Variants in PTCH2 observed in about 807,000 individuals in gnomAD.
The protein encoded by PTCH2 is patched 2.
PTCH2 carries 96 observed loss-of-function variants against 117.9 expected under a neutral mutation model. The ratio of observed to expected loss-of-function variants is 0.81; its 90% CI spans 0.69 to 0.96. PTCH2 has a LOEUF of 0.96. PTCH2 is among the 50% of genes least tolerant of loss of function. The pLI is 0.00. For missense variants in PTCH2, 1,379 were observed against 1,562.5 expected (o/e 0.88, Z 1.98); for synonymous variants, 615 against 660.9 (o/e 0.93, Z 1.06).
In PTCH2 at chr1:44,842,989, T is replaced by C. The variant is rs966636603; in HGVS notation, c.-57A>G. On this transcript the variant is annotated 5_prime_UTR_variant, in exon 1 of 22. The change abolishes an upstream ATG in the 5' untranslated region. Coordinates refer to ENST00000372192, the MANE Select transcript of PTCH2 (RefSeq NM_003738.5). ...AACCCGCGTTATCTGGGCGCTCCCATAGGCTAGCCCGGTCTCCCGGTACCG... is the reference window on the plus strand; with the variant it reads ...AACCCGCGTTATCTGGGCGCTCCCACAGGCTAGCCCGGTCTCCCGGTACCG... 48 of 1,492,586 alleles carry C rather than the reference T, an allele frequency of 3.2e-5. No homozygotes were observed. Among genetic ancestry groups the C allele is most frequent in the Non-Finnish European group, 4.1e-5 (46 of 1,125,076 alleles). The allele number at this position is 1,492,586 out of a possible 1,614,324, so 92.5% of individuals were successfully genotyped here.
At position 44,826,569 on chromosome 1, in the gene PTCH2, C is replaced by G. The variant is rs376750438; in HGVS notation, c.2895G>C (p.Leu965=). The G allele has an allele frequency of 6.2e-7, 1 of 1,613,364 alleles. No homozygotes were observed. Among genetic ancestry groups the G allele is most frequent in the African/African-American group, 1.3e-5 (1 of 74,924 alleles). The change falls in exon 18 of 22, where the codon CTG becomes CTC. Residue 965 remains leucine, a synonymous_variant. Coordinates refer to ENST00000372192, the MANE Select transcript of PTCH2 (RefSeq NM_003738.5). This position sits in a 1 kb window ranked among gnomAD's most constrained non-coding sequence, Gnocchi z 5.1. ...EQYLGLRRCF[L]LAVCILLVCT... is the part of the protein sequence containing the mutation. Reference sequence around the variant, plus strand: ...ACACCAGCAGGATGCAGACGGCCAGCAGGAAGCAGCGCCGCAGGCCCAGAT... The same window carrying G: ...ACACCAGCAGGATGCAGACGGCCAGGAGGAAGCAGCGCCGCAGGCCCAGAT...
rs750066989 is a variant in PTCH2, at chr1:44,822,544, G to A, written c.3483C>T (p.Thr1161=). Residue 1161 remains threonine (T), a synonymous_variant, in exon 22 of 22, where the codon ACC becomes ACT. Coordinates refer to ENST00000372192, the MANE Select transcript of PTCH2 (RefSeq NM_003738.5). ...GCAGGGGGGGTGGGTGGATGGCCAC[G>A]GTCATGGAGGTAGTCACTCTGGCAA... is the stretch of plus-strand genomic sequence containing the variant. ...QSFARVTTSM[T]VAIHPPPLPG... The A allele has an allele frequency of 3.1e-6, 5 of 1,613,984 alleles. No individual in the cohort carries two copies. In the African/African-American group the frequency reaches 4.0e-5, roughly 13 times the overall value.
rs1229341873 is a variant in PTCH2 at position 44,829,486 on chromosome 1, G to A, written c.1131C>T (p.Ala377=). ...TGTCATCCAGGGTGGTGGAGGAGAA[G>A]GCATGGATCTGCTGGGAAGCGTTCT... The part of the protein sequence containing the change: ...LPENASQQIH[A]FSSTTLDDIL... The change falls in exon 9 of 22, where the codon GCC becomes GCT. Residue 377 remains alanine (A), a synonymous_variant. Transcript: ENST00000372192. 6.2e-7 allele frequency: 1 copy of A among 1,614,240 alleles called. No individual in the cohort carries two copies. Among genetic ancestry groups the A allele is most frequent in the Non-Finnish European group, 8.5e-7 (1 of 1,180,036 alleles).
rs530613777 is a variant in PTCH2 at position 44,829,307 on chromosome 1, G to T, written c.1221C>A (p.Ala407=). The T allele has an allele frequency of 8.7e-6, 14 of 1,613,746 alleles. No individual in the cohort carries two copies. The highest frequency in any genetic ancestry group is 1.7e-4 in the Middle Eastern group (1 of 6,060). Residue 407 remains alanine, a synonymous_variant, in exon 10 of 22, where the codon GCC becomes GCA. Coordinates refer to ENST00000372192, the MANE Select transcript of PTCH2 (RefSeq NM_003738.5). ...RVVGGYLLML[A]YACVTMLRWD... ...ACCGCAGCATGGTCACACAGGCATA[G>T]GCCAGCTGTGGGGGGAAAGGGCAGT...
rs937567613 is a variant in PTCH2, at chr1:44,823,449, C to T, written c.3115-64G>A. 5.0e-6 allele frequency: 8 copies of T among 1,608,570 alleles called. No homozygotes were observed. Among genetic ancestry groups the T allele is most frequent in the Non-Finnish European group, 5.1e-6 (6 of 1,176,090 alleles). ...AGTCATGGCCAGCTCAGCCATGTCC[C>T]GAGCTGTATCTGTCTTCAGAGCTCA... On this transcript the variant is annotated intron_variant, in intron 19 of 21. Transcript: ENST00000372192. This position sits in a 1 kb window ranked among gnomAD's most constrained non-coding sequence, Gnocchi z 5.1.
intron 2 of PTCH2, among the ~76,000 whole-genome samples, chr1:44,841,192 C>T (rs1344250104): frequency 7.7e-6 from 1 of 129,526 alleles, no homozygotes; most frequent in African/African-American, 2.8e-5. Flanking sequence ...AACAAAAAAA[C>T]AACCCCCCCC....
rs1557647195 is a variant in PTCH2, at chr1:44,831,245, A to G, written c.618-202T>C. On this transcript the variant is annotated intron_variant, in intron 5 of 21. Transcript: ENST00000372192. The surrounding 1 kb of genome is among the most constrained non-coding windows in gnomAD (Gnocchi z 4.3). ...GCTACAGTGAGCTGTAGAAGAGTAC[A>G]AGGGGCTGAGACGAATATCAGGGCA... 1.3e-5 allele frequency among the ~76,000 whole-genome samples: 2 copies of G among 152,192 alleles called. No individual in the cohort carries two copies.
intron 2 of PTCH2, among the ~76,000 whole-genome samples, chr1:44,835,788 G>T (rs1009502450): frequency 6.6e-6 from 1 of 152,178 alleles, no homozygotes; most frequent in Non-Finnish European, 1.5e-5. Flanking sequence ...CCCACGAGAA[G>T]AAGTCAGGAA....
At position 44,826,864 on chromosome 1, in the gene PTCH2, G is replaced by T; in HGVS notation, c.2695+38C>A. 6.2e-7 allele frequency: 1 copy of T among 1,613,478 alleles called. No individual in the cohort carries two copies. Among genetic ancestry groups the T allele is most frequent in the Non-Finnish European group, 8.5e-7 (1 of 1,179,714 alleles). On this transcript the variant is annotated intron_variant, in intron 17 of 21. Transcript: ENST00000372192. The surrounding 1 kb of genome is among the most constrained non-coding windows in gnomAD (Gnocchi z 5.1). ...CCTCAGGCTCAGGGCTTGTGTGGGCGAGGCTGAGGCTCTTGCCGAGCTCCC... is the reference window on the plus strand; with the variant it reads ...CCTCAGGCTCAGGGCTTGTGTGGGCTAGGCTGAGGCTCTTGCCGAGCTCCC...
chr1:44,838,752 G>A (rs1422584625), intron 2 of PTCH2, among the ~76,000 whole-genome samples: 1 of 143,904 alleles, frequency 6.9e-6, no homozygotes, highest in Non-Finnish European at 1.5e-5. Context: ...TTTGAGTCTC[G>A]CTCTGTCGCC....
chr1:44,822,989 G>A lies in PTCH2; in HGVS notation c.3357+80C>T, dbSNP rs568391111. 2.0e-6 allele frequency: 3 copies of A among 1,477,354 alleles called. No homozygotes were observed. The African/African-American group carries it at 4.1e-5, about 20-fold the overall frequency. The allele number at this position is 1,477,354 out of a possible 1,614,324, so 91.5% of individuals were successfully genotyped here. On this transcript the variant is annotated intron_variant, in intron 21 of 21. Coordinates refer to ENST00000372192, the MANE Select transcript of PTCH2 (RefSeq NM_003738.5). Reference sequence around the variant, plus strand: ...GGGAGGTACCTGTCTGTGGGCCACAGGGCTCTGTCCCTTCCCTTGCCTCTC... The same window carrying A: ...GGGAGGTACCTGTCTGTGGGCCACAAGGCTCTGTCCCTTCCCTTGCCTCTC...
chr1:44,828,202 TAG>T lies in PTCH2; in HGVS notation c.1710-13_1710-12del, dbSNP rs1653251379. 1 of 1,612,560 alleles carries T rather than the reference TAG, an allele frequency of 6.2e-7. No individual in the cohort carries two copies. The highest frequency in any genetic ancestry group is 8.5e-7 in the Non-Finnish European group (1 of 1,179,632). On this transcript the variant is annotated splice_polypyrimidine_tract_variant and intron_variant, in intron 13 of 21. Transcript: ENST00000372192. ...TGAGCAGAGCAGGGACTGGAAGAGG[TAG>T]AGAGTGGATGACAGGTCTGTGCCTT... is the stretch of plus-strand genomic sequence containing the variant.
chr1:44,822,007 C>G lies in PTCH2; in HGVS notation c.*408G>C. On this transcript the variant is annotated 3_prime_UTR_variant, in exon 22 of 22. Coordinates refer to ENST00000372192, the MANE Select transcript of PTCH2 (RefSeq NM_003738.5). Reference sequence around the variant, plus strand: ...TCATCATAGCTAACATGTATGTATACTACAAAAATAGACATTTTCATATAA... The same window carrying G: ...TCATCATAGCTAACATGTATGTATAGTACAAAAATAGACATTTTCATATAA... The G allele has an allele frequency of 9.2e-6, 12 of 1,306,710 alleles. No individual in the cohort carries two copies. The highest frequency in any genetic ancestry group is 1.2e-5 in the Non-Finnish European group (12 of 1,000,850). 80.9% of individuals were successfully genotyped at this position (1,306,710 alleles called of 1,614,324 possible).
chr1:44,828,590 G>T lies in PTCH2; in HGVS notation c.1506C>A (p.Val502=). 6.2e-7 allele frequency: 1 copy of T among 1,613,858 alleles called. No individual in the cohort carries two copies. ...CCATGTTGTTGATGGATGTGAGTACGACACTGGTGCCCGTGCGCTGCAGAC... is the reference window on the plus strand; with the variant it reads ...CCATGTTGTTGATGGATGTGAGTACTACACTGGTGCCCGTGCGCTGCAGAC... ...GECLQRTGTS[V]VLTSINNMAA... is the part of the protein sequence containing the mutation. The change falls in exon 12 of 22, where the codon GTC becomes GTA. Residue 502 remains valine (V), a synonymous_variant. Coordinates refer to ENST00000372192, the MANE Select transcript of PTCH2 (RefSeq NM_003738.5).
chr1:44,837,318 G>A lies in PTCH2; in HGVS notation c.265+4529C>T, dbSNP rs573168620. ...TACCCAGGCTGGAGTGCAATGGCACGATCTCAGCTCACTGCAACCTCCGCC... is the reference window on the plus strand; with the variant it reads ...TACCCAGGCTGGAGTGCAATGGCACAATCTCAGCTCACTGCAACCTCCGCC... On this transcript the variant is annotated intron_variant, in intron 2 of 21. Transcript: ENST00000372192. Among the ~76,000 whole-genome samples, 4 of 152,130 alleles carry A rather than the reference G, an allele frequency of 2.6e-5. No individual in the cohort carries two copies. The East Asian group carries it at 5.8e-4, about 22-fold the overall frequency.
chr1:44,821,841 C>T (rs977036285), downstream of PTCH2: 2 of 1,364,744 alleles, frequency 1.5e-6, no homozygotes, highest in African/African-American at 3.0e-5. Flanking sequence ...GAAGCTAATA[C>T]CTCAGGTCCT....
In PTCH2 at chr1:44,832,795, C is replaced by CAGGTGT. The variant is rs1233511939; in HGVS notation, c.266-460_266-455dup. On this transcript the variant is annotated intron_variant, in intron 2 of 21. Coordinates refer to ENST00000372192, the MANE Select transcript of PTCH2 (RefSeq NM_003738.5). Reference sequence around the variant, plus strand: ...CTGCTAGGAGGGTTTCCTAAAAGAACAGGTGTAGGGCTAGGGCTGGTTCTT... The same window carrying CAGGTGT: ...CTGCTAGGAGGGTTTCCTAAAAGAACAGGTGTAGGTGTAGGGCTAGGGCTGGTTCTT... Among the ~76,000 whole-genome samples, 5 of 152,254 alleles carry CAGGTGT rather than the reference C, an allele frequency of 3.3e-5. No individual in the cohort carries two copies. The South Asian group carries it at 6.2e-4, about 19-fold the overall frequency.
At chr1:44,830,225 G>A (rs959359623) in intron 6 of PTCH2, among the ~76,000 whole-genome samples, 195 bp from the exon 7 acceptor site, 5 of 101,206 alleles carry the variant, frequency 4.9e-5, no homozygotes, top group African/African-American at 2.3e-4. Context: ...CCAAGGGGAA[G>A]CAGAGGCCTG....
chr1:44,835,561 C>T (rs911214607), intron 2 of PTCH2, among the ~76,000 whole-genome samples: 2 of 152,130 alleles, frequency 1.3e-5, no homozygotes, highest in Non-Finnish European at 2.9e-5. Flanking sequence ...TAATATGGTA[C>T]ACTCTTCGGG....
Sources: allele counts gnomAD v4.1 joint callset (sites outside exome capture counted in the v4.1 genomes callset), GRCh38; gene constraint gnomAD v4.1.1; non-coding constraint Gnocchi (gnomAD v3.1); transcripts MANE v1.5; gene names NCBI Gene and HGNC (gene_info 2026-07-23, HGNC 2026-07-21).